CEP128: variants seen among roughly 807,000 people sequenced by gnomAD.
The protein encoded by CEP128 is centrosomal protein 128kDa.
In CEP128, 132 loss-of-function variants were observed where a neutral mutation model predicts 156.7. The ratio of observed to expected loss-of-function variants is 0.84; its 90% CI spans 0.73 to 0.97. The LOEUF (loss-of-function observed/expected upper bound fraction) is 0.97. Among genes scored for constraint, CEP128 ranks in the 50% least tolerant of loss-of-function variants. The pLI is 0.00. For synonymous variants in CEP128, 469 were observed against 448.9 expected, an observed-to-expected ratio of 1.04 and a Z score of -0.57; for missense variants, 1,252 against 1,281.9, an observed-to-expected ratio of 0.98 and a Z score of 0.36.
upstream of CEP128, among the ~76,000 whole-genome samples, chr14:80,946,498 T>G (rs113641418): frequency 2.1e-3 from 318 of 152,156 alleles, 4 homozygotes; most frequent in African/African-American, 7.3e-3. Flanking sequence ...AAGATGCTAA[T>G]TCTAGATCTA....
At chr14:80,615,782 G>C (rs948246717) in intron 19 of CEP128, among the ~76,000 whole-genome samples, 1 of 152,174 alleles carries the variant, frequency 6.6e-6, no homozygotes, top group Non-Finnish European at 1.5e-5. Context: ...CCGGGAGGCA[G>C]AGTTGCACTG....
chr14:80,532,287 G>T (rs1463068274), intron 21 of CEP128, among the ~76,000 whole-genome samples: 2 of 151,988 alleles, frequency 1.3e-5, no homozygotes, highest in African/African-American at 4.8e-5. Flanking sequence ...TCAACCTCCT[G>T]GGCTCAAGGG....
intron 12 of CEP128, among the ~76,000 whole-genome samples, chr14:80,831,628 C>CA (rs1885805680): frequency 6.8e-6 from 1 of 146,426 alleles, no homozygotes; most frequent in Non-Finnish European, 1.5e-5. Context: ...AAAAAAAATA[C>CA]AAAAAGAGTT....
chr14:80,921,980 T>C (rs893487520), intron 2 of CEP128, among the ~76,000 whole-genome samples: 17 of 151,502 alleles, frequency 1.1e-4, no homozygotes, highest in African/African-American at 3.6e-4. Context: ...AAAAAATTCC[T>C]ACATTTCATG....
At chr14:80,725,894 T>G (rs1488572593) in intron 19 of CEP128, among the ~76,000 whole-genome samples, 2 of 152,232 alleles carry the variant, frequency 1.3e-5, no homozygotes. Flanking sequence ...AAAATGCTTT[T>G]GTTTCCCAAA....
intron 6 of CEP128, among the ~76,000 whole-genome samples, chr14:80,903,290 AAC>A (rs1171535707): frequency 6.6e-6 from 1 of 152,164 alleles, no homozygotes; most frequent in Non-Finnish European, 1.5e-5. Context: ...GTGTTGACAA[AAC>A]TGCATATACA....
chr14:80,907,657 CAAAAAAAAA>C (rs67715110), intron 4 of CEP128, among the ~76,000 whole-genome samples: 2 of 64,624 alleles, frequency 3.1e-5, no homozygotes, highest in African/African-American at 5.8e-5. Flanking sequence ...GACTCTGTTT[CAAAAAAAAA>C]AAAAAAAAAA....
rs73342554 is a variant in CEP128 at position 80,776,814 on chromosome 14, A to G, written c.2376+1068T>C. Among the ~76,000 whole-genome samples the G allele has an allele frequency of 7.8e-3, 1,192 of 152,092 alleles. 19 individuals are homozygous for G. Among genetic ancestry groups the G allele is most frequent in the African/African-American group, 0.026 (1,096 of 41,500 alleles). On this transcript the variant is annotated intron_variant, in intron 16 of 24. Transcript: ENST00000555265. ...TGACTTCTATTACCTTCAATTTCAAACCCTTTTAGGAAGTGGGTGAAAGAG... is the reference window on the plus strand; with the variant it reads ...TGACTTCTATTACCTTCAATTTCAAGCCCTTTTAGGAAGTGGGTGAAAGAG...
At chr14:80,536,973 C>CA in intron 21 of CEP128, among the ~76,000 whole-genome samples, 1 of 152,260 alleles carries the variant, frequency 6.6e-6, no homozygotes, top group South Asian at 2.1e-4. Context: ...ACTATGACAT[C>CA]AGTGTCTACA....
chr14:80,792,494 A>G (rs977374592), intron 14 of CEP128, among the ~76,000 whole-genome samples: 1 of 152,238 alleles, frequency 6.6e-6, no homozygotes, highest in Non-Finnish European at 1.5e-5. Context: ...CAATATAGGA[A>G]ACTTACACCT....
At chr14:80,862,223 C>T (rs1239972561) in intron 9 of CEP128, among the ~76,000 whole-genome samples, 1 of 152,156 alleles carries the variant, frequency 6.6e-6, no homozygotes, top group Admixed American at 6.5e-5. Context: ...TGGGCTACAA[C>T]TACTCAACTC....
intron 9 of CEP128, among the ~76,000 whole-genome samples, chr14:80,857,923 C>G (rs555083160): frequency 9.9e-5 from 15 of 152,198 alleles, no homozygotes; most frequent in African/African-American, 3.6e-4. Flanking sequence ...GTTTAAAATA[C>G]AATGTATGAA....
At chr14:80,760,972 C>G (rs1899933776) in intron 17 of CEP128, among the ~76,000 whole-genome samples, 1 of 152,092 alleles carries the variant, frequency 6.6e-6, no homozygotes, top group African/African-American at 2.4e-5. Context: ...CTTAAACCGT[C>G]TAAACCTCCC....
At chr14:80,763,754 T>G (rs1294848135) in intron 16 of CEP128, among the ~76,000 whole-genome samples, 1 of 152,208 alleles carries the variant, frequency 6.6e-6, no homozygotes, top group Non-Finnish European at 1.5e-5. Flanking sequence ...TCCACTTTGC[T>G]GAATAAATGA....
chr14:80,800,153 C>A (rs1353077880), intron 13 of CEP128, among the ~76,000 whole-genome samples: 1 of 152,130 alleles, frequency 6.6e-6, no homozygotes, highest in African/African-American at 2.4e-5. Context: ...CCCAGTGGCC[C>A]AGCTGTAAAA....
chr14:80,538,079 G>A (rs1889568124), intron 21 of CEP128, among the ~76,000 whole-genome samples: 1 of 152,032 alleles, frequency 6.6e-6, no homozygotes, highest in Admixed American at 6.5e-5. Flanking sequence ...GTACTTACTT[G>A]TGATAGGCAC....
At chr14:80,764,226 C>T (rs866008424) in intron 16 of CEP128, among the ~76,000 whole-genome samples, 5 of 152,224 alleles carry the variant, frequency 3.3e-5, no homozygotes, top group Middle Eastern at 3.4e-3. Context: ...CGGCCGGGCG[C>T]GGTGGCTCAC....
At chr14:80,662,563 T>C (rs1416995854) in intron 19 of CEP128, among the ~76,000 whole-genome samples, 1 of 152,106 alleles carries the variant, frequency 6.6e-6, no homozygotes, top group Non-Finnish European at 1.5e-5. Flanking sequence ...AGTGTGCAGT[T>C]AAATAGAGGA....
At chr14:80,486,623 C>T (rs1007721304), downstream of CEP128, among the ~76,000 whole-genome samples, 2 of 152,120 alleles carry the variant, frequency 1.3e-5, no homozygotes, top group African/African-American at 2.4e-5. Flanking sequence ...CAGAGAGAAA[C>T]GTTGGGTTAC....
Sources: gnomAD v4.1 joint callset for allele counts (sites outside exome capture counted in the v4.1 genomes callset) on GRCh38, gnomAD v4.1.1 for gene constraint, MANE v1.5 for transcripts, NCBI Gene and HGNC (gene_info 2026-07-23, HGNC 2026-07-21) for gene names.